Variants in PNPT1 observed in about 807,000 individuals in gnomAD.
PNPT1 encodes polyribonucleotide nucleotidyltransferase 1, also known as polyribonucleotide nucleotidyltransferase 1, mitochondrial.
Under a neutral mutation model 119.5 loss-of-function variants are expected in PNPT1, and 53 were observed. That is an observed-to-expected ratio of 0.44 (90% CI 0.36 to 0.56). The LOEUF (loss-of-function observed/expected upper bound fraction) is 0.56. Among genes scored for constraint, PNPT1 ranks in the 20% least tolerant of loss-of-function variants. PNPT1 has a pLI of 0.00. For missense variants in PNPT1, 948 were observed against 938.5 expected (o/e 1.01, Z -0.13); for synonymous variants, 357 against 322.1 (o/e 1.11, Z -1.16).
chr2:55,693,577 G>A (rs1383407930), intron 1 of PNPT1, 86 bp downstream of exon 1: 1 of 1,546,554 alleles, frequency 6.5e-7, no homozygotes, highest in East Asian at 2.3e-5. Flanking sequence ...CTGGGATACC[G>A]GGTTTCTACC....
intron 8 of PNPT1, among the ~76,000 whole-genome samples, chr2:55,676,893 A>G (rs1009595398): frequency 6.6e-6 from 1 of 152,094 alleles, no homozygotes; most frequent in Non-Finnish European, 1.5e-5. Flanking sequence ...GGATGACTAA[A>G]TGACTAAATA....
At position 55,635,917 on chromosome 2, in the gene PNPT1, T is replaced by A. The variant is rs1695656260; in HGVS notation, c.*320A>T. Reference sequence around the variant, plus strand: ...AGATGTAGGAAGAGATCTGTTATAATAACATATGACATATTCTATCTAAGT... The same window carrying A: ...AGATGTAGGAAGAGATCTGTTATAAAAACATATGACATATTCTATCTAAGT... On this transcript the variant is annotated 3_prime_UTR_variant, in exon 28 of 28. Transcript: ENST00000447944. The A allele has an allele frequency of 1.3e-5, 2 of 153,776 alleles. No homozygotes were observed. The highest frequency in any genetic ancestry group is 2.8e-5 in the Non-Finnish European group (2 of 71,728). The allele number at this position is 153,776 out of a possible 1,614,324, so 9.5% of individuals were successfully genotyped here. A position where few individuals can be genotyped will look rare whatever the true frequency, so the allele number is the denominator to read the frequency against.
chr2:55,671,953 T>C (rs2104123575), intron 10 of PNPT1, 42 bp downstream of exon 10: 1 of 1,445,972 alleles, frequency 6.9e-7, no homozygotes, highest in Non-Finnish European at 9.5e-7. Flanking sequence ...CAAAAATGTA[T>C]TCCTAGGGCA....
intron 11 of PNPT1, 122 bp from the exon 12 acceptor site, chr2:55,668,080 G>A (rs755688977): frequency 3.9e-4 from 321 of 821,578 alleles, no homozygotes; most frequent in Non-Finnish European, 5.2e-4. Context: ...GACTCTGAAC[G>A]TTTAGTCCTC....
intron 2 of PNPT1, among the ~76,000 whole-genome samples, chr2:55,687,075 G>A (rs568846632): frequency 4.7e-4 from 71 of 152,122 alleles, no homozygotes; most frequent in African/African-American, 1.4e-3. Context: ...TTAGCTGGGC[G>A]TGGTGGCAGG....
intron 19 of PNPT1, among the ~76,000 whole-genome samples, chr2:55,647,043 G>C (rs1696026796): frequency 6.6e-6 from 1 of 152,036 alleles, no homozygotes; most frequent in Non-Finnish European, 1.5e-5. Context: ...TGCCACATTA[G>C]CCAGACTGGT....
intron 8 of PNPT1, among the ~76,000 whole-genome samples, chr2:55,675,985 G>C (rs1223226882): frequency 6.6e-6 from 1 of 152,140 alleles, no homozygotes. Context: ...TATAGGCCCA[G>C]CGTGGTGGCT....
chr2:55,652,875 A>C (rs1369112952), intron 18 of PNPT1, among the ~76,000 whole-genome samples: 1 of 152,212 alleles, frequency 6.6e-6, no homozygotes, highest in South Asian at 2.1e-4. Flanking sequence ...CTTGAGACAG[A>C]GTCACTCTGT....
chr2:55,691,004 G>A (rs1025067311), intron 1 of PNPT1, among the ~76,000 whole-genome samples: 3 of 152,204 alleles, frequency 2.0e-5, no homozygotes, highest in Non-Finnish European at 4.4e-5. Context: ...TGAGTAACAT[G>A]CCACCAGTAC....
chr2:55,651,243 T>A (rs1418862662), intron 18 of PNPT1, among the ~76,000 whole-genome samples: 1 of 151,418 alleles, frequency 6.6e-6, no homozygotes, highest in Non-Finnish European at 1.5e-5. Flanking sequence ...GAGGAGCCCC[T>A]CTGCCCGGCC....
intron 26 of PNPT1, among the ~76,000 whole-genome samples, chr2:55,640,295 A>C (rs747891985): frequency 6.6e-6 from 1 of 152,140 alleles, no homozygotes; most frequent in Non-Finnish European, 1.5e-5. Context: ...CTAAGACTAC[A>C]TGCGCACGCC....
intron 26 of PNPT1, among the ~76,000 whole-genome samples, chr2:55,639,198 G>A (rs889313042): frequency 6.6e-6 from 1 of 152,128 alleles, no homozygotes; most frequent in African/African-American, 2.4e-5. Flanking sequence ...AAATGTTAAT[G>A]ACTGATGAAT....
intron 11 of PNPT1, among the ~76,000 whole-genome samples, chr2:55,669,030 T>C (rs1696825668): frequency 6.6e-6 from 1 of 152,250 alleles, no homozygotes; most frequent in African/African-American, 2.4e-5. Flanking sequence ...TGTCAAATGC[T>C]TTCATGAGCC....
At chr2:55,651,954 G>A (rs545283940) in intron 18 of PNPT1, among the ~76,000 whole-genome samples, 10 of 146,256 alleles carry the variant, frequency 6.8e-5, no homozygotes, top group South Asian at 2.2e-4. Context: ...CACCTCTTTC[G>A]AGTAGATTCC....
At chr2:55,676,040 C>A (rs537567040) in intron 8 of PNPT1, among the ~76,000 whole-genome samples, 4 of 152,170 alleles carry the variant, frequency 2.6e-5, no homozygotes, top group African/African-American at 9.6e-5. Context: ...GCAGGTGGAT[C>A]ACCTGAGTTC....
chr2:55,671,838 A>G (rs1446311118), intron 10 of PNPT1, among the ~76,000 whole-genome samples, 157 bp downstream of exon 10: 1 of 152,246 alleles, frequency 6.6e-6, no homozygotes, highest in African/African-American at 2.4e-5. Context: ...AAAACAAAAC[A>G]AAACAAAAGA....
chr2:55,653,964 A>G (rs1696296836), intron 18 of PNPT1, among the ~76,000 whole-genome samples: 1 of 152,140 alleles, frequency 6.6e-6, no homozygotes, highest in Non-Finnish European at 1.5e-5. Context: ...ATTGGTTTTA[A>G]GAATCTCCTA....
intron 26 of PNPT1, among the ~76,000 whole-genome samples, chr2:55,638,483 C>CA (rs1471416140): frequency 4.6e-5 from 7 of 151,998 alleles, no homozygotes; most frequent in South Asian, 2.1e-4. Flanking sequence ...CCCATCTCTA[C>CA]AAAAAATCCA....
At chr2:55,644,404 G>A (rs920829252) in intron 23 of PNPT1, among the ~76,000 whole-genome samples, 1 of 152,060 alleles carries the variant, frequency 6.6e-6, no homozygotes, top group African/African-American at 2.4e-5. Context: ...TTGCAAAAAA[G>A]TCCTGATGAA....
Sources: allele counts gnomAD v4.1 joint callset (sites outside exome capture counted in the v4.1 genomes callset), GRCh38; gene constraint gnomAD v4.1.1; transcripts MANE v1.5; gene names NCBI Gene and HGNC (gene_info 2026-07-23, HGNC 2026-07-21).